The following YIPF4 variants were observed in gnomAD, a reference collection of about 807,000 sequenced individuals.
YIPF4 encodes protein YIPF4.
Under a neutral mutation model 29.4 loss-of-function variants are expected in YIPF4, and 18 were observed. That is an observed-to-expected ratio of 0.61 (90% confidence interval 0.42 to 0.91). The LOEUF is 0.91. Ranked by LOEUF, YIPF4 falls within the 40% of genes least tolerant of loss-of-function variation. The pLI is 0.00. For missense variants in YIPF4, 279 were observed against 282.7 expected (o/e 0.99, Z 0.09); for synonymous variants, 115 against 104.7 (o/e 1.10, Z -0.60).
At chr2:32,288,965 CA>C (rs994064149) in intron 1 of YIPF4, among the ~76,000 whole-genome samples, 1 of 151,530 alleles carries the variant, frequency 6.6e-6, no homozygotes, top group African/African-American at 2.4e-5. Context: ...GGCTCTGATA[CA>C]AAAAAAAGAA....
rs1222106143 is a variant in YIPF4, at chr2:32,310,587, ATTGT to A, written c.*4966_*4969del. On this transcript the variant is annotated 3_prime_UTR_variant, in exon 6 of 6. Transcript: ENST00000238831. ...ATCCTAGTTTGTTTGGGAAAAAAAAATTGTTTGTATGCCTGGGTACAGTATCATA... is the reference window on the plus strand; with the variant it reads ...ATCCTAGTTTGTTTGGGAAAAAAAAATTGTATGCCTGGGTACAGTATCATA... 3.9e-5 allele frequency: 6 copies of A among 152,264 alleles called. No homozygotes were observed. Among genetic ancestry groups the A allele is most frequent in the South Asian group, 4.1e-4 (2 of 4,828 alleles). 9.4% of individuals were successfully genotyped at this position (152,264 alleles called of 1,614,324 possible). A position where few individuals can be genotyped will look rare whatever the true frequency, so the allele number is the denominator to read the frequency against.
Position 32,315,991 on chromosome 2 carries a change from G to A in YIPF4, c.*10365G>A, listed in dbSNP as rs1356455537. 2.0e-5 allele frequency: 3 copies of A among 147,832 alleles called. No homozygotes were observed. 9.2% of individuals were successfully genotyped at this position (147,832 alleles called of 1,614,324 possible). A position where few individuals can be genotyped will look rare whatever the true frequency, so the allele number is the denominator to read the frequency against. On this transcript the variant is annotated 3_prime_UTR_variant, in exon 6 of 6. Transcript: ENST00000238831. ...AGCCCAGGCGTTCAAGACCTGCCTGGGCAATATAGCGAGACCCCGTTCTCC... is the reference window on the plus strand; with the variant it reads ...AGCCCAGGCGTTCAAGACCTGCCTGAGCAATATAGCGAGACCCCGTTCTCC...
chr2:32,279,319 C>T (rs2030271882), intron 1 of YIPF4, among the ~76,000 whole-genome samples: 1 of 151,522 alleles, frequency 6.6e-6, no homozygotes. Context: ...TTTCCAGTGA[C>T]CAGACTTACT....
intron 3 of YIPF4, among the ~76,000 whole-genome samples, chr2:32,293,205 G>A (rs1310538447): frequency 6.6e-6 from 1 of 152,092 alleles, no homozygotes; most frequent in Non-Finnish European, 1.5e-5. Flanking sequence ...GTGAACAAAG[G>A]TCTCTGGTTT....
intron 1 of YIPF4, among the ~76,000 whole-genome samples, chr2:32,290,012 G>C (rs957777155): frequency 1.3e-5 from 2 of 152,244 alleles, no homozygotes; most frequent in Admixed American, 1.3e-4. Context: ...TGAAAAGGTA[G>C]AGAAAAATTA....
Position 32,307,986 on chromosome 2 carries a change from A to G in YIPF4, c.*2360A>G, listed in dbSNP as rs1013594660. On this transcript the variant is annotated 3_prime_UTR_variant, in exon 6 of 6. Coordinates refer to ENST00000238831, the MANE Select transcript of YIPF4 (RefSeq NM_032312.4). ...TTTGTAGATGTGTGCAAGACACAGT[A>G]CTGCTATGGCTAATAATGGTAAGAT... 1 of 151,282 alleles carries G rather than the reference A, an allele frequency of 6.6e-6. No individual in the cohort carries two copies. The highest frequency in any genetic ancestry group is 1.5e-5 in the Non-Finnish European group (1 of 67,926). The allele number at this position is 151,282 out of a possible 1,614,324, so 9.4% of individuals were successfully genotyped here.
In YIPF4 at chr2:32,296,754, A is replaced by G. The variant is rs1383531617; in HGVS notation, c.406-1480A>G. Reference sequence around the variant, plus strand: ...TAAAGTTACTATTTTTCTCTTTGTAATTAATAAATAGCTTATGGAGGTACT... The same window carrying G: ...TAAAGTTACTATTTTTCTCTTTGTAGTTAATAAATAGCTTATGGAGGTACT... On this transcript the variant is annotated intron_variant, in intron 3 of 5. Transcript: ENST00000238831. Among the ~76,000 whole-genome samples the G allele has an allele frequency of 2.0e-5, 3 of 152,156 alleles. No homozygotes were observed. The East Asian group carries it at 5.8e-4, about 29-fold the overall frequency.
rs1026959583 is a variant in YIPF4 at position 32,277,906 on chromosome 2, C to T, written c.-250C>T. On this transcript the variant is annotated 5_prime_UTR_variant, in exon 1 of 6. Coordinates refer to ENST00000238831, the MANE Select transcript of YIPF4 (RefSeq NM_032312.4). ...AAAGAGCCAATCCCAGCGCCGCTGT[C>T]ACTGTTATGGTCCTGTCAGGGTGCC... 1.3e-4 allele frequency: 65 copies of T among 494,552 alleles called. 1 individual carries two copies. The highest frequency in any genetic ancestry group is 1.3e-3 in the African/African-American group (61 of 48,564). The allele number at this position is 494,552 out of a possible 1,614,324, so 30.6% of individuals were successfully genotyped here.
At chr2:32,285,260 TTAG>T (rs2030615182) in intron 1 of YIPF4, among the ~76,000 whole-genome samples, 1 of 152,090 alleles carries the variant, frequency 6.6e-6, no homozygotes, top group South Asian at 2.1e-4. Flanking sequence ...GCTGGATAGA[TTAG>T]TAGTATCATT....
chr2:32,293,068 T>TTTTA lies in YIPF4; in HGVS notation c.405+740_405+743dup, dbSNP rs879326951. 2.6e-3 allele frequency among the ~76,000 whole-genome samples: 383 copies of TTTTA among 147,396 alleles called. 4 individuals are homozygous for TTTTA. Among genetic ancestry groups the TTTTA allele is most frequent in the African/African-American group, 8.8e-3 (356 of 40,618 alleles). ...TTTATTTTTATTTTTATTTTTTTATTTTTATTTATTTATTTATTTATTTTT... is the reference window on the plus strand; with the variant it reads ...TTTATTTTTATTTTTATTTTTTTATTTTTATTTATTTATTTATTTATTTATTTTT... On this transcript the variant is annotated intron_variant, in intron 3 of 5. Transcript: ENST00000238831.
In YIPF4 at chr2:32,306,521, G is replaced by T. The variant is rs937185099; in HGVS notation, c.*895G>T. The stretch of plus-strand genomic sequence containing the variant: ...GGAAAGAGACCTTTAAAATCTTGTG[G>T]TGTTGAACAATGTTATATGAAGTAG... On this transcript the variant is annotated 3_prime_UTR_variant, in exon 6 of 6. Transcript: ENST00000238831. 12 of 984,450 alleles carry T rather than the reference G, an allele frequency of 1.2e-5. No individual in the cohort carries two copies. The highest frequency in any genetic ancestry group is 1.7e-5 in the African/African-American group (1 of 57,172). 61.0% of individuals were successfully genotyped at this position (984,450 alleles called of 1,614,324 possible).
intron 1 of YIPF4, among the ~76,000 whole-genome samples, chr2:32,279,411 T>TTC (rs1173006911): frequency 6.9e-6 from 1 of 144,594 alleles, no homozygotes; most frequent in Non-Finnish European, 1.5e-5. Flanking sequence ...TTTTTTTTTT[T>TTC]TTTTGAGACT....
chr2:32,300,302 C>T (rs2031353881), intron 4 of YIPF4, among the ~76,000 whole-genome samples: 1 of 151,962 alleles, frequency 6.6e-6, no homozygotes, highest in East Asian at 1.9e-4. Flanking sequence ...GGCATGGAGG[C>T]ACGCGCCTGT....
intron 1 of YIPF4, among the ~76,000 whole-genome samples, chr2:32,287,170 G>T (rs1181575487): frequency 2.0e-5 from 3 of 152,116 alleles, no homozygotes; most frequent in African/African-American, 7.2e-5. Context: ...GCTTGAACCT[G>T]GGAGGTGGAG....
In YIPF4 at chr2:32,290,488, A is replaced by C; in HGVS notation, c.85A>C (p.Ser29Arg). The C allele has an allele frequency of 6.5e-7, 1 of 1,537,076 alleles. No individual in the cohort carries two copies. The highest frequency in any genetic ancestry group is 8.7e-7 in the Non-Finnish European group (1 of 1,143,086). ...TTATCCTCTTTTCTCCTAAGATCTC[A>C]GTGGTTCAATAGCATCCCCAGATGT... ...FVSSADAEDL[S>R]GSIASPDVKL... Residue 29 changes from serine (S) to arginine (R), a missense_variant, in exon 2 of 6, where the codon AGT (serine) becomes CGT (arginine). Coordinates refer to ENST00000238831, the MANE Select transcript of YIPF4 (RefSeq NM_032312.4).
At chr2:32,294,326 C>A (rs549723670) in intron 3 of YIPF4, among the ~76,000 whole-genome samples, 1 of 150,456 alleles carries the variant, frequency 6.6e-6, no homozygotes. Context: ...GGCTGCCGGG[C>A]GGACGGGCTC....
intron 4 of YIPF4, among the ~76,000 whole-genome samples, chr2:32,300,618 A>T (rs890700501): frequency 1.5e-4 from 23 of 152,250 alleles, no homozygotes; most frequent in African/African-American, 5.3e-4. Flanking sequence ...ATAGACACTT[A>T]AAGTATATTT....
chr2:32,298,391 A>C (rs2031273891), intron 4 of YIPF4, 80 bp downstream of exon 4: 11 of 1,065,740 alleles, frequency 1.0e-5, no homozygotes, highest in Non-Finnish European at 1.5e-5. Context: ...ATCATTAGCT[A>C]TACAAGAAAC....
At chr2:32,286,492 A>G (rs1351255182) in intron 1 of YIPF4, among the ~76,000 whole-genome samples, 1 of 152,228 alleles carries the variant, frequency 6.6e-6, no homozygotes, top group Admixed American at 6.5e-5. Context: ...ACCATAAACC[A>G]GAACAACATG....
Sources: gnomAD v4.1 joint callset for allele counts (sites outside exome capture counted in the v4.1 genomes callset) on GRCh38, gnomAD v4.1.1 for gene constraint, MANE v1.5 for transcripts, NCBI Gene and HGNC (gene_info 2026-07-23, HGNC 2026-07-21) for gene names.